SHISA6: variants seen among roughly 807,000 people sequenced by gnomAD.
The protein encoded by SHISA6 is shisa family member 6, also known as protein shisa-6.
A neutral mutation model predicts 47.9 loss-of-function variants in SHISA6; 22 were observed. The observed-to-expected ratio is 0.46, with a 90% CI of 0.33 to 0.66. The LOEUF is 0.66. SHISA6 is among the 30% of genes least tolerant of loss of function. The pLI is 0.02. For missense variants in SHISA6, 680 were observed against 764.6 expected, an observed-to-expected ratio of 0.89 and a Z score of 1.30; for synonymous variants, 388 against 337.8, an observed-to-expected ratio of 1.15 and a Z score of -1.63.
At chr17:11,323,254 C>T (rs1441986237) in intron 2 of SHISA6, among the ~76,000 whole-genome samples, 2 of 152,314 alleles carry the variant, frequency 1.3e-5, no homozygotes, top group Admixed American at 6.5e-5. Context: ...TAATAGAAAG[C>T]TGGCTCTCAT....
chr17:11,533,528 C>T, intron 3 of SHISA6, among the ~76,000 whole-genome samples: 1 of 151,600 alleles, frequency 6.6e-6, no homozygotes, highest in Non-Finnish European at 1.5e-5. Flanking sequence ...CGTCCAAAAT[C>T]AAGTCTCCTT....
chr17:11,320,562 G>A (rs897121922), intron 2 of SHISA6, among the ~76,000 whole-genome samples: 2 of 152,138 alleles, frequency 1.3e-5, no homozygotes, highest in African/African-American at 2.4e-5. Context: ...GGAGGCTGTG[G>A]CAGGAGAATC....
chr17:11,502,427 A>C (rs2071462400), intron 3 of SHISA6, among the ~76,000 whole-genome samples: 1 of 137,336 alleles, frequency 7.3e-6, no homozygotes, highest in Non-Finnish European at 1.6e-5. Flanking sequence ...AAAAAAAAAA[A>C]AAAAAGACTA....
At chr17:11,268,722 G>C (rs1218793659) in intron 2 of SHISA6, among the ~76,000 whole-genome samples, 1 of 152,162 alleles carries the variant, frequency 6.6e-6, no homozygotes, top group African/African-American at 2.4e-5. Context: ...AGGTACACAA[G>C]GGTTTTATCT....
At chr17:11,325,540 G>A (rs1322657711) in intron 2 of SHISA6, among the ~76,000 whole-genome samples, 1 of 152,084 alleles carries the variant, frequency 6.6e-6, no homozygotes, top group African/African-American at 2.4e-5. Context: ...CATTTTTGGT[G>A]TAGGATGCCT....
intron 3 of SHISA6, among the ~76,000 whole-genome samples, chr17:11,417,705 T>A (rs1179287745): frequency 6.6e-6 from 1 of 152,242 alleles, no homozygotes; most frequent in Non-Finnish European, 1.5e-5. Flanking sequence ...TTGCTGGTAG[T>A]TCGGACATGG....
Position 11,325,955 on chromosome 17 carries a change from G to T in SHISA6, c.800-53459G>T, listed in dbSNP as rs1300030892. Among the ~76,000 whole-genome samples, 3 of 152,288 alleles carry T rather than the reference G, an allele frequency of 2.0e-5. No homozygotes were observed. The East Asian group carries it at 5.8e-4, about 29-fold the overall frequency. ...AAAAGACTTGTTGATTCAGTGACTGGGTGACTCTGCAATGCAGTACTAAAG... is the reference window on the plus strand; with the variant it reads ...AAAAGACTTGTTGATTCAGTGACTGTGTGACTCTGCAATGCAGTACTAAAG... On this transcript the variant is annotated intron_variant, in intron 2 of 5. Coordinates refer to ENST00000441885, the MANE Select transcript of SHISA6 (RefSeq NM_207386.4).
intron 2 of SHISA6, among the ~76,000 whole-genome samples, chr17:11,317,336 A>G (rs1025370777): frequency 2.0e-5 from 3 of 151,904 alleles, no homozygotes; most frequent in African/African-American, 7.2e-5. Flanking sequence ...TTTTTACCAA[A>G]ATGCAGTATT....
chr17:11,325,321 A>G (rs1010080645), intron 2 of SHISA6, among the ~76,000 whole-genome samples: 1 of 152,226 alleles, frequency 6.6e-6, no homozygotes, highest in African/African-American at 2.4e-5. Context: ...CTAGGACTGC[A>G]TCGGATAAAC....
At chr17:11,437,276 G>A (rs1914966375) in intron 3 of SHISA6, among the ~76,000 whole-genome samples, 1 of 152,138 alleles carries the variant, frequency 6.6e-6, no homozygotes, top group Non-Finnish European at 1.5e-5. Context: ...TTCACTTTCA[G>A]ACTTCCAGGC....
intron 2 of SHISA6, among the ~76,000 whole-genome samples, chr17:11,299,049 T>C (rs1196081292): frequency 6.6e-6 from 1 of 152,186 alleles, no homozygotes; most frequent in East Asian, 1.9e-4. Flanking sequence ...CCCCTTTCCT[T>C]CCATGACCAA....
At chr17:11,460,448 A>G (rs1282572391) in intron 3 of SHISA6, among the ~76,000 whole-genome samples, 1 of 152,140 alleles carries the variant, frequency 6.6e-6, no homozygotes, top group African/African-American at 2.4e-5. Context: ...CTGGAGTGCA[A>G]TGGCATGATC....
intron 3 of SHISA6, among the ~76,000 whole-genome samples, chr17:11,402,717 CAT>C (rs1360691765): frequency 3.3e-5 from 5 of 151,782 alleles, no homozygotes. Flanking sequence ...AGCAAGGAAA[CAT>C]ATTCTTTCAT....
At chr17:11,328,026 A>T (rs762863457) in intron 2 of SHISA6, among the ~76,000 whole-genome samples, 1 of 152,158 alleles carries the variant, frequency 6.6e-6, no homozygotes, top group Non-Finnish European at 1.5e-5. Flanking sequence ...ATACAAATTC[A>T]TTCACTTTTT....
intron 2 of SHISA6, among the ~76,000 whole-genome samples, chr17:11,285,458 A>C (rs1483910489): frequency 6.6e-6 from 1 of 152,206 alleles, no homozygotes; most frequent in African/African-American, 2.4e-5. Context: ...GTTTTGTCTT[A>C]AAAAGGGGAG....
At chr17:11,465,383 T>C (rs1157107007) in intron 3 of SHISA6, among the ~76,000 whole-genome samples, 2 of 152,176 alleles carry the variant, frequency 1.3e-5, no homozygotes, top group Non-Finnish European at 2.9e-5. Flanking sequence ...GATTATCAAA[T>C]CTTGGAGGAC....
At chr17:11,323,082 G>C (rs1469415241) in intron 2 of SHISA6, among the ~76,000 whole-genome samples, 1 of 152,174 alleles carries the variant, frequency 6.6e-6, no homozygotes, top group Non-Finnish European at 1.5e-5. Context: ...AGGACCAAAT[G>C]TTTCACAAGT....
intron 2 of SHISA6, among the ~76,000 whole-genome samples, chr17:11,270,227 G>A (rs568806423): frequency 1.8e-4 from 28 of 152,214 alleles, no homozygotes; most frequent in Non-Finnish European, 3.5e-4. Flanking sequence ...GCTCGCCTTC[G>A]CCTCCCAAAG....
At chr17:11,322,389 T>G (rs997532181) in intron 2 of SHISA6, among the ~76,000 whole-genome samples, 3 of 152,248 alleles carry the variant, frequency 2.0e-5, no homozygotes, top group Non-Finnish European at 4.4e-5. Context: ...TTCTTTACAA[T>G]TTCTTATAGA....
Sources: gnomAD v4.1 joint callset for allele counts (sites outside exome capture counted in the v4.1 genomes callset) on GRCh38, gnomAD v4.1.1 for gene constraint, MANE v1.5 for transcripts, NCBI Gene and HGNC (gene_info 2026-07-23, HGNC 2026-07-21) for gene names.